Variants in LTN1 observed in about 807,000 individuals in gnomAD.
The protein encoded by LTN1 is listerin E3 ubiquitin protein ligase 1.
LTN1 carries 88 observed loss-of-function variants against 201.2 expected under a neutral mutation model. That is an observed-to-expected ratio of 0.44 (90% CI 0.37 to 0.52). The LOEUF (loss-of-function observed/expected upper bound fraction) is 0.52. Ranked by LOEUF, LTN1 falls within the 20% of genes least tolerant of loss-of-function variation. The pLI, the probability that LTN1 is intolerant of heterozygous loss-of-function variation, is 0.00. For synonymous variants in LTN1, 645 were observed against 713.5 expected, an observed-to-expected ratio of 0.90 and a Z score of 1.53; for missense variants, 1,752 against 2,038.7, an observed-to-expected ratio of 0.86 and a Z score of 2.71.
At chr21:28,988,157 C>A (rs200422839) in intron 1 of LTN1, among the ~76,000 whole-genome samples, 10,765 of 95,646 alleles carry the variant, frequency 0.11, 744 homozygotes, top group African/African-American at 0.19. Context: ...AAAAAAAAAA[C>A]AACAAAAAAA....
In LTN1 at chr21:28,936,694, G is replaced by A. The variant is rs148488534; in HGVS notation, c.4486C>T (p.Arg1496Trp). ...TFFKAASSQL[R>W]ALYSMYLRKT... ...CGAAGATACATGGAATACAAAGCCC[G>A]AAGCTGGTGGAGAGCAAAGAATTTG... Residue 1496 changes from arginine (R) to tryptophan (W), a missense_variant, in exon 26 of 30, where the codon CGG (arginine) becomes TGG (tryptophan). Physicochemically the swap from Arg to Trp is moderately radical, Grantham distance 101. Coordinates refer to ENST00000361371, the MANE Select transcript of LTN1 (RefSeq NM_015565.3). 3.7e-6 allele frequency: 6 copies of A among 1,605,632 alleles called. No individual in the cohort carries two copies. The African/African-American group carries it at 5.3e-5, about 14-fold the overall frequency.
At chr21:28,974,502 A>C (rs1568853869) in intron 6 of LTN1, among the ~76,000 whole-genome samples, 1 of 152,236 alleles carries the variant, frequency 6.6e-6, no homozygotes, top group East Asian at 1.9e-4. Context: ...ACTGGGAGTA[A>C]GTGATCCATG....
chr21:28,939,162 T>G (rs2084278310), intron 25 of LTN1, among the ~76,000 whole-genome samples: 2 of 152,224 alleles, frequency 1.3e-5, no homozygotes, highest in Admixed American at 6.5e-5. Flanking sequence ...CAATAGCATT[T>G]ACACTGTATC....
chr21:28,943,543 T>G (rs762529051), intron 23 of LTN1, 124 bp downstream of exon 23: 1 of 768,542 alleles, frequency 1.3e-6, no homozygotes, highest in African/African-American at 1.8e-5. Flanking sequence ...AGGGTCCCTA[T>G]AAGTGAAGCA....
chr21:28,968,573 A>T (rs1379010785), intron 9 of LTN1, among the ~76,000 whole-genome samples: 1 of 152,090 alleles, frequency 6.6e-6, no homozygotes, highest in African/African-American at 2.4e-5. Flanking sequence ...ACTACAAAAG[A>T]TCATAAATAG....
chr21:28,930,414 T>C lies in LTN1; in HGVS notation c.*34A>G, dbSNP rs1006123191. 6.5e-7 allele frequency: 1 copy of C among 1,538,072 alleles called. No homozygotes were observed. The highest frequency in any genetic ancestry group is 9.0e-7 in the Non-Finnish European group (1 of 1,114,532). ...ATCCAAATCCAATGCCTTTGTTTGA[T>C]GTACTTCAGGGATCCCTTCCAGTGA... is the stretch of plus-strand genomic sequence containing the variant. On this transcript the variant is annotated 3_prime_UTR_variant, in exon 30 of 30. Transcript: ENST00000361371.
chr21:28,973,307 A>G (rs2084589751), intron 6 of LTN1, among the ~76,000 whole-genome samples: 1 of 146,592 alleles, frequency 6.8e-6, no homozygotes, highest in African/African-American at 2.5e-5. Context: ...AGATTGCACC[A>G]CTGCACTCCA....
intron 13 of LTN1, 151 bp downstream of exon 13, chr21:28,959,307 C>G (rs1234392523): frequency 2.4e-6 from 2 of 838,432 alleles, no homozygotes; most frequent in African/African-American, 3.4e-5. Context: ...CTTTCTAGAG[C>G]TGAAAGTGTT....
At chr21:28,961,012 G>C (rs1161802813) in intron 11 of LTN1, among the ~76,000 whole-genome samples, 2 of 133,524 alleles carry the variant, frequency 1.5e-5, no homozygotes, top group Admixed American at 8.6e-5. Flanking sequence ...CCTACTTTAT[G>C]GAGTCTCCCC....
rs750355567 is a variant in LTN1, at chr21:28,982,371, A to G, written c.577-3T>C. 4 of 1,612,144 alleles carry G rather than the reference A, an allele frequency of 2.5e-6. No individual in the cohort carries two copies. The Admixed American group carries it at 6.7e-5, about 27-fold the overall frequency. ...TTTATAAGATGATCCTGCAGCACCTACAAAGGGGGGAAATACCAAAGCCTT... is the reference window on the plus strand; with the variant it reads ...TTTATAAGATGATCCTGCAGCACCTGCAAAGGGGGGAAATACCAAAGCCTT... On this transcript the variant is annotated splice_region_variant and splice_polypyrimidine_tract_variant and intron_variant, in intron 4 of 29. Transcript: ENST00000361371.
chr21:28,935,108 C>T lies in LTN1; in HGVS notation c.4875+1G>A. 6.3e-7 allele frequency: 1 copy of T among 1,589,018 alleles called. No individual in the cohort carries two copies. Among genetic ancestry groups the T allele is most frequent in the Non-Finnish European group, 8.6e-7 (1 of 1,158,114 alleles). On this transcript the variant is annotated splice_donor_variant, in intron 27 of 29. Coordinates refer to ENST00000361371, the MANE Select transcript of LTN1 (RefSeq NM_015565.3). LOFTEE classifies it high-confidence loss of function. ...CTAGAGAAAGTCAAGACAATACTAA[C>T]CGTCATGCCATTAAATAGTTGTGTA...
At chr21:28,942,355 T>C (rs2084303602) in intron 24 of LTN1, among the ~76,000 whole-genome samples, 1 of 152,202 alleles carries the variant, frequency 6.6e-6, no homozygotes, top group Admixed American at 6.5e-5. Flanking sequence ...TTACAATTCA[T>C]GTTTCACATT....
At chr21:28,958,244 C>A in intron 14 of LTN1, 142 bp downstream of exon 14, 2 of 712,518 alleles carry the variant, frequency 2.8e-6, no homozygotes, top group Non-Finnish European at 4.5e-6. Context: ...ATCCTCCCAC[C>A]TCAGCCTACT....
Position 28,943,746 on chromosome 21 carries a change from T to C in LTN1, c.4141A>G (p.Thr1381Ala), listed in dbSNP as rs755425794. 2.2e-5 allele frequency: 36 copies of C among 1,613,752 alleles called. 2 individuals are homozygous for C. The Admixed American group carries it at 6.0e-4, about 27-fold the overall frequency. ...AATGGGGCCAATGTATTTAACAAAG[T>C]CTGGAGATATTCTGGTAAGTTTGTT... ...QKTNLPEYLQTLLNTLAPLLL... is the reference protein window; with the variant it reads ...QKTNLPEYLQALLNTLAPLLL... Residue 1381 changes from threonine (T) to alanine (A), a missense_variant, in exon 23 of 30, where the codon ACT (threonine) becomes GCT (alanine). Transcript: ENST00000361371.
In LTN1 at chr21:28,953,209, A is replaced by G; in HGVS notation, c.3239+8T>C. 1 of 1,551,810 alleles carries G rather than the reference A, an allele frequency of 6.4e-7. No individual in the cohort carries two copies. ...TCATTTTAAAAACAAATTGAAAGAG[A>G]TTCTTACCTGTTAAATAACAGCTGC... On this transcript the variant is annotated splice_region_variant and intron_variant, in intron 17 of 29. Transcript: ENST00000361371.
In LTN1 at chr21:28,967,009, C is replaced by T. The variant is rs1298740877; in HGVS notation, c.1482G>A (p.Leu494=). 1 of 1,614,128 alleles carries T rather than the reference C, an allele frequency of 6.2e-7. No homozygotes were observed. The highest frequency in any genetic ancestry group is 1.7e-5 in the Admixed American group (1 of 60,006). The change falls in exon 10 of 30, where the codon CTG becomes CTA. Residue 494 remains leucine (L), a synonymous_variant. Transcript: ENST00000361371. ...ENVLIHFWER[L]SEICVAKISE... is the part of the protein sequence containing the mutation. ...TGATTTTCGCAACACAGATCTCTGA[C>T]AGTCTTTCCCAGAAATGTATCAGTA...
At chr21:28,941,149 G>A in intron 25 of LTN1, 71 bp downstream of exon 25, 1 of 999,004 alleles carries the variant, frequency 1.0e-6, no homozygotes, top group Non-Finnish European at 1.5e-6. Context: ...TAAACTGAAA[G>A]GAAGGTATTT....
chr21:28,941,519 A>G, intron 24 of LTN1, 113 bp from the exon 25 acceptor site: 1 of 847,246 alleles, frequency 1.2e-6, no homozygotes, highest in Non-Finnish European at 1.8e-6. Context: ...TTTCCAAAAA[A>G]CGTTTTAAAA....
chr21:28,959,869 A>G (rs2084460467), intron 12 of LTN1, 172 bp from the exon 13 acceptor site: 1 of 572,656 alleles, frequency 1.7e-6, no homozygotes, highest in Non-Finnish European at 3.0e-6. Context: ...CCTCAAGTAA[A>G]AAAGGCAGTT....
Sources: allele counts gnomAD v4.1 joint callset (sites outside exome capture counted in the v4.1 genomes callset), GRCh38; gene constraint gnomAD v4.1.1; transcripts MANE v1.5; gene names NCBI Gene and HGNC (gene_info 2026-07-23, HGNC 2026-07-21).